Variants in PTPRQ observed in about 807,000 individuals in gnomAD.
PTPRQ encodes phosphatidylinositol phosphatase PTPRQ.
A neutral mutation model predicts 246.0 loss-of-function variants in PTPRQ; 199 were observed. That is an observed-to-expected ratio of 0.81 (90% CI 0.72 to 0.91). PTPRQ has a LOEUF of 0.91. Among genes scored for constraint, PTPRQ ranks in the 40% least tolerant of loss-of-function variants. PTPRQ has a pLI of 0.00. For missense variants in PTPRQ, 2,624 were observed against 2,528.4 expected, an observed-to-expected ratio of 1.04 and a Z score of -0.81; for synonymous variants, 869 against 853.2, an observed-to-expected ratio of 1.02 and a Z score of -0.32.
intron 9 of PTPRQ, among the ~76,000 whole-genome samples, chr12:80,492,455 C>A (rs569941049): frequency 1.1e-4 from 17 of 152,064 alleles, no homozygotes; most frequent in Middle Eastern, 3.4e-3. Flanking sequence ...AGTCTTATTT[C>A]CAAAGTCAAC....
chr12:80,477,887 G>T (rs1050063532), intron 8 of PTPRQ, among the ~76,000 whole-genome samples: 2 of 152,186 alleles, frequency 1.3e-5, no homozygotes, highest in East Asian at 1.9e-4. Flanking sequence ...CTACGCCCAC[G>T]GAGTCTCGCT....
At chr12:80,582,313 A>G (rs955664904) in intron 25 of PTPRQ, among the ~76,000 whole-genome samples, 2 of 152,184 alleles carry the variant, frequency 1.3e-5, no homozygotes, top group South Asian at 2.1e-4. Flanking sequence ...ATTTCATCCA[A>G]TAGACATTGC....
intron 7 of PTPRQ, among the ~76,000 whole-genome samples, chr12:80,471,303 T>A (rs1007091510): frequency 2.0e-5 from 3 of 151,924 alleles, no homozygotes; most frequent in African/African-American, 7.3e-5. Context: ...AAAAACAGTG[T>A]TCTCAGGAAA....
intron 6 of PTPRQ, among the ~76,000 whole-genome samples, chr12:80,467,541 T>A (rs1406449484): frequency 6.6e-6 from 1 of 152,162 alleles, no homozygotes; most frequent in Non-Finnish European, 1.5e-5. Context: ...CATGCTGCTA[T>A]AAAGACACAT....
chr12:80,672,057 A>T (rs1012401402), intron 42 of PTPRQ, among the ~76,000 whole-genome samples: 1 of 151,994 alleles, frequency 6.6e-6, no homozygotes, highest in African/African-American at 2.4e-5. Context: ...ATATTACATT[A>T]TCAGAGAAAT....
chr12:80,672,473 C>A (rs1901000650), intron 42 of PTPRQ, among the ~76,000 whole-genome samples: 1 of 151,752 alleles, frequency 6.6e-6, no homozygotes, highest in Non-Finnish European at 1.5e-5. Context: ...ACTAGATGAA[C>A]TTTCAAAAAT....
At position 80,541,548 on chromosome 12, in the gene PTPRQ, A is replaced by G; in HGVS notation, c.3155-7A>G. The G allele has an allele frequency of 6.7e-7, 1 of 1,484,294 alleles. No homozygotes were observed. The highest frequency in any genetic ancestry group is 1.4e-5 in the South Asian group (1 of 70,064). 91.9% of individuals were successfully genotyped at this position (1,484,294 alleles called of 1,614,324 possible). A position where few individuals can be genotyped will look rare whatever the true frequency, so the allele number is the denominator to read the frequency against. On this transcript the variant is annotated splice_region_variant and splice_polypyrimidine_tract_variant and intron_variant, in intron 20 of 44. Transcript: ENST00000644991. ...GATTTTTGTATTTTGCCCATTACCT[A>G]TCATAGTACCTGAAGGGTTTGTTGG...
At chr12:80,545,287 AT>A (rs1896270766) in intron 23 of PTPRQ, among the ~76,000 whole-genome samples, 1 of 152,162 alleles carries the variant, frequency 6.6e-6, no homozygotes, top group Non-Finnish European at 1.5e-5. Flanking sequence ...GCAGGAAAGA[AT>A]GACTGAAATA....
At chr12:80,655,420 C>T (rs903130806) in intron 38 of PTPRQ, among the ~76,000 whole-genome samples, 5 of 152,090 alleles carry the variant, frequency 3.3e-5, no homozygotes, top group African/African-American at 1.2e-4. Flanking sequence ...CTTTTAAGAG[C>T]TGCTAACTTT....
chr12:80,584,788 G>A (rs939648994), intron 25 of PTPRQ, among the ~76,000 whole-genome samples: 1 of 152,068 alleles, frequency 6.6e-6, no homozygotes, highest in Non-Finnish European at 1.5e-5. Flanking sequence ...TTTTGAAAAT[G>A]TATCTTATGT....
chr12:80,677,129 A>G (rs951417422), intron 43 of PTPRQ, among the ~76,000 whole-genome samples: 6 of 152,206 alleles, frequency 3.9e-5, no homozygotes, highest in African/African-American at 1.4e-4. Flanking sequence ...AGTGGAGAAG[A>G]TGAAATCAGG....
At chr12:80,460,489 A>G (rs1469844331) in intron 5 of PTPRQ, among the ~76,000 whole-genome samples, 164 bp from the exon 6 acceptor site, 2 of 152,224 alleles carry the variant, frequency 1.3e-5, no homozygotes, top group African/African-American at 4.8e-5. Flanking sequence ...AAAACTGCAG[A>G]CATAAATGGG....
chr12:80,585,604 T>C (rs1897586530), intron 25 of PTPRQ, among the ~76,000 whole-genome samples: 1 of 152,194 alleles, frequency 6.6e-6, no homozygotes, highest in African/African-American at 2.4e-5. Context: ...TCAGTCCTTC[T>C]TGTTATTCTC....
At chr12:80,658,939 T>A (rs1665577158) in intron 39 of PTPRQ, among the ~76,000 whole-genome samples, 1 of 152,020 alleles carries the variant, frequency 6.6e-6, no homozygotes, top group Admixed American at 6.6e-5. Flanking sequence ...ACGTCAAACA[T>A]ACTTGTGCTG....
chr12:80,636,131 G>T (rs1173458263), intron 35 of PTPRQ, among the ~76,000 whole-genome samples: 1 of 152,136 alleles, frequency 6.6e-6, no homozygotes, highest in Non-Finnish European at 1.5e-5. Context: ...CTAAATTGCA[G>T]GGAAATGTGT....
intron 28 of PTPRQ, among the ~76,000 whole-genome samples, chr12:80,611,059 G>A (rs559462313): frequency 8.6e-5 from 13 of 150,366 alleles, no homozygotes; most frequent in Admixed American, 6.6e-5. Flanking sequence ...TCTGGAATTC[G>A]AAAGTAGAAT....
At chr12:80,578,972 T>TAG (rs1376256852) in intron 25 of PTPRQ, among the ~76,000 whole-genome samples, 2 of 152,178 alleles carry the variant, frequency 1.3e-5, no homozygotes, top group Non-Finnish European at 2.9e-5. Context: ...TTTTGTCAGT[T>TAG]AATCTAATTC....
intron 26 of PTPRQ, among the ~76,000 whole-genome samples, chr12:80,591,326 A>AGT (rs1897795706): frequency 1.3e-5 from 2 of 151,950 alleles, no homozygotes; most frequent in African/African-American, 4.8e-5. Flanking sequence ...ATGAGGTCTC[A>AGT]CTATATTGCC....
At chr12:80,487,325 G>C (rs990507154) in intron 9 of PTPRQ, among the ~76,000 whole-genome samples, 23 of 152,104 alleles carry the variant, frequency 1.5e-4, no homozygotes, top group African/African-American at 5.6e-4. Flanking sequence ...CAGTGATAGT[G>C]ACCTGTGCAG....
Sources: allele counts gnomAD v4.1 joint callset (sites outside exome capture counted in the v4.1 genomes callset), GRCh38; gene constraint gnomAD v4.1.1; transcripts MANE v1.5; gene names NCBI Gene and HGNC (gene_info 2026-07-23, HGNC 2026-07-21).